PI4KA: variants seen among roughly 807,000 people sequenced by gnomAD.
PI4KA encodes the protein PI4-kinase alpha.
A neutral mutation model predicts 271.4 loss-of-function variants in PI4KA; 122 were observed. The observed-to-expected ratio is 0.45, with a 90% CI of 0.39 to 0.52. PI4KA has a LOEUF of 0.52. Among genes scored for constraint, PI4KA ranks in the 20% least tolerant of loss-of-function variants. The pLI, the probability that PI4KA is intolerant of heterozygous loss-of-function variation, is 0.00. For missense variants in PI4KA, 1,969 were observed against 2,769.1 expected (o/e 0.71, Z 6.48); for synonymous variants, 1,041 against 1,078.8 (o/e 0.96, Z 0.69).
intron 1 of PI4KA, among the ~76,000 whole-genome samples, chr22:20,851,824 G>A (rs1009171207): frequency 1.3e-5 from 2 of 152,178 alleles, no homozygotes; most frequent in Admixed American, 1.3e-4. Context: ...AATGAAAGTA[G>A]CGTTCTGGCC....
chr22:20,849,757 G>C (rs1926727177), intron 1 of PI4KA, among the ~76,000 whole-genome samples: 1 of 152,192 alleles, frequency 6.6e-6, no homozygotes, highest in South Asian at 2.1e-4. Context: ...GGGAGTCTGA[G>C]GCAGAAGAAT....
intron 23 of PI4KA, among the ~76,000 whole-genome samples, chr22:20,754,814 A>T (rs746770406): frequency 2.6e-5 from 4 of 152,106 alleles, no homozygotes; most frequent in African/African-American, 4.8e-5. Flanking sequence ...CAGGCATGGT[A>T]GCGTGCCACT....
In PI4KA at chr22:20,742,131, C is replaced by T. The variant is rs145275288; in HGVS notation, c.3741+97G>A. The T allele has an allele frequency of 5.8e-3, 7,370 of 1,277,086 alleles. 27 individuals are homozygous for T. Among genetic ancestry groups the T allele is most frequent in the Middle Eastern group, 7.9e-3 (33 of 4,152 alleles). 79.1% of individuals were successfully genotyped at this position (1,277,086 alleles called of 1,614,324 possible). On this transcript the variant is annotated intron_variant, in intron 32 of 54. Transcript: ENST00000255882. ...GGCTTGAGAAGGTGAGGGGCTTGCC[C>T]AGTGTCTCCATGCTTGGTGGTGGCG...
intron 8 of PI4KA, among the ~76,000 whole-genome samples, chr22:20,813,005 G>C (rs764180146): frequency 2.6e-5 from 4 of 152,160 alleles, no homozygotes; most frequent in Non-Finnish European, 5.9e-5. Flanking sequence ...CCACCCCTTA[G>C]AGGAAGTCAA....
At chr22:20,776,933 T>A (rs1284441151) in intron 19 of PI4KA, among the ~76,000 whole-genome samples, 2 of 152,196 alleles carry the variant, frequency 1.3e-5, no homozygotes, top group Non-Finnish European at 2.9e-5. Context: ...GAGCAGCCAG[T>A]AACTCTTACC....
chr22:20,819,392 T>A (rs1601565207), intron 6 of PI4KA, among the ~76,000 whole-genome samples: 1 of 152,000 alleles, frequency 6.6e-6, no homozygotes, highest in South Asian at 2.1e-4. Context: ...GCTTTTTTTT[T>A]AGAGGCCTTT....
intron 19 of PI4KA, among the ~76,000 whole-genome samples, chr22:20,772,567 T>C (rs75132902): frequency 0.03 from 4,520 of 152,252 alleles, 89 homozygotes; most frequent in Middle Eastern, 0.061. Flanking sequence ...AATGGACCTT[T>C]ACACTCTGGA....
intron 4 of PI4KA, 49 bp from the exon 5 acceptor site, chr22:20,820,660 T>C (rs1193395172): frequency 3.1e-6 from 4 of 1,293,932 alleles, no homozygotes; most frequent in Admixed American, 1.9e-5. Context: ...CAAAATTAGG[T>C]AAATATCACG....
At chr22:20,750,366 A>G (rs2147323321) in intron 27 of PI4KA, among the ~76,000 whole-genome samples, 1 of 152,312 alleles carries the variant, frequency 6.6e-6, no homozygotes, top group South Asian at 2.1e-4. Context: ...AGCTCTGCCA[A>G]CACTTTGATT....
At chr22:20,761,460 A>G (rs1284258305) in intron 22 of PI4KA, 74 bp from the exon 23 acceptor site, 1 of 867,660 alleles carries the variant, frequency 1.2e-6, no homozygotes, top group Non-Finnish European at 2.0e-6. Flanking sequence ...CACTGCCCAT[A>G]AGTGGTAAGG....
At chr22:20,710,407 T>G (rs1925100820) in intron 52 of PI4KA, 1 of 548,132 alleles carries the variant, frequency 1.8e-6, no homozygotes, top group African/African-American at 1.9e-5. Flanking sequence ...GCCTGTGGGG[T>G]GGCAGGTGCT....
intron 19 of PI4KA, among the ~76,000 whole-genome samples, chr22:20,766,835 G>C (rs896692354): frequency 1.3e-5 from 2 of 152,140 alleles, no homozygotes; most frequent in Non-Finnish European, 1.5e-5. Context: ...GCACTGGGCC[G>C]GGAGAGAGGT....
At chr22:20,745,748 A>G (rs547736929) in intron 29 of PI4KA, among the ~76,000 whole-genome samples, 3 of 152,094 alleles carry the variant, frequency 2.0e-5, no homozygotes, top group Non-Finnish European at 4.4e-5. Context: ...CTGAGCCTCA[A>G]TGTGCTCATC....
chr22:20,833,954 G>A (rs1010420310), intron 3 of PI4KA, among the ~76,000 whole-genome samples: 19 of 151,892 alleles, frequency 1.3e-4, no homozygotes, highest in Admixed American at 3.3e-4. Context: ...CACCACGCCC[G>A]GCCGACCCAG....
At chr22:20,850,730 C>A (rs974146972) in intron 1 of PI4KA, among the ~76,000 whole-genome samples, 6 of 151,962 alleles carry the variant, frequency 3.9e-5, no homozygotes, top group Admixed American at 3.9e-4. Context: ...AGCCACCGCG[C>A]CCGGCCTACT....
intron 7 of PI4KA, among the ~76,000 whole-genome samples, chr22:20,815,660 T>C (rs1386094409): frequency 6.6e-6 from 1 of 151,902 alleles, no homozygotes; most frequent in Non-Finnish European, 1.5e-5. Context: ...ACAATACCAC[T>C]GGGAGCTGAG....
intron 23 of PI4KA, among the ~76,000 whole-genome samples, chr22:20,759,368 C>A (rs1281784788): frequency 7.0e-6 from 1 of 142,338 alleles, no homozygotes; most frequent in Non-Finnish European, 1.6e-5. Context: ...AAAAACATTT[C>A]TTGAAGCGTT....
intron 9 of PI4KA, among the ~76,000 whole-genome samples, chr22:20,809,423 A>G (rs1444932929): frequency 8.0e-6 from 1 of 125,362 alleles, no homozygotes; most frequent in Non-Finnish European, 1.7e-5. Context: ...GGTCAAGATT[A>G]CAAGAAACTT....
intron 52 of PI4KA, chr22:20,710,251 C>T (rs1925080402): frequency 6.9e-6 from 4 of 580,312 alleles, no homozygotes; most frequent in Admixed American, 6.1e-5. Flanking sequence ...ATAAGGCTGC[C>T]GGCCATGGCT....
Sources: gnomAD v4.1 joint callset for allele counts (sites outside exome capture counted in the v4.1 genomes callset) on GRCh38, gnomAD v4.1.1 for gene constraint, MANE v1.5 for transcripts, NCBI Gene and HGNC (gene_info 2026-07-23, HGNC 2026-07-21) for gene names.